EEF2KMT: variants seen among roughly 807,000 people sequenced by gnomAD.
The protein encoded by EEF2KMT is protein-lysine N-methyltransferase EEF2KMT.
In EEF2KMT, 30 loss-of-function variants were observed where a neutral mutation model predicts 35.1. That is an observed-to-expected ratio of 0.85 (90% confidence interval 0.64 to 1.16). The LOEUF is 1.16. EEF2KMT is among the 50% of genes most tolerant of loss of function. The pLI is 0.00. For missense variants in EEF2KMT, 499 were observed against 438.2 expected (o/e 1.14, Z -1.24); for synonymous variants, 190 against 187.7 (o/e 1.01, Z -0.10).
rs1320546010 is a variant in EEF2KMT at position 5,085,070 on chromosome 16, T to C, written c.*562A>G. 5.6e-6 allele frequency: 6 copies of C among 1,063,646 alleles called. No individual in the cohort carries two copies. 65.9% of individuals were successfully genotyped at this position (1,063,646 alleles called of 1,614,324 possible). A position where few individuals can be genotyped will look rare whatever the true frequency, so the allele number is the denominator to read the frequency against. Reference sequence around the variant, plus strand: ...AGCTTTGGTTGGCCTTGATTTCTTCTCTGGAGGCTTGGAAACGCTTCCTCT... The same window carrying C: ...AGCTTTGGTTGGCCTTGATTTCTTCCCTGGAGGCTTGGAAACGCTTCCTCT... On this transcript the variant is annotated 3_prime_UTR_variant, in exon 8 of 8. Transcript: ENST00000427587.
intron 3 of EEF2KMT, among the ~76,000 whole-genome samples, 179 bp downstream of exon 3, chr16:5,093,305 C>G (rs986865800): frequency 1.3e-5 from 2 of 152,222 alleles, no homozygotes; most frequent in African/African-American, 4.8e-5. Context: ...TGCTGGCCTC[C>G]CCTTCTTCCC....
chr16:5,092,421 T>G (rs762290551), intron 3 of EEF2KMT, among the ~76,000 whole-genome samples: 23 of 152,226 alleles, frequency 1.5e-4, no homozygotes, highest in Non-Finnish European at 2.4e-4. Context: ...CCCCGTCCTA[T>G]GATTCACAGG....
chr16:5,091,202 C>A (rs142715320), intron 4 of EEF2KMT, among the ~76,000 whole-genome samples: 1 of 152,216 alleles, frequency 6.6e-6, no homozygotes, highest in African/African-American at 2.4e-5. Flanking sequence ...CTGCCTCAGC[C>A]TCCCTAGTAG....
At chr16:5,089,857 G>A (rs1325470516) in intron 6 of EEF2KMT, among the ~76,000 whole-genome samples, 1 of 152,212 alleles carries the variant, frequency 6.6e-6, no homozygotes, top group African/African-American at 2.4e-5. Flanking sequence ...ATGTGGTAAC[G>A]ACTGGAACGG....
At position 5,089,100 on chromosome 16, in the gene EEF2KMT, G is replaced by A; in HGVS notation, c.892+7C>T. The A allele has an allele frequency of 1.2e-6, 2 of 1,612,464 alleles. No individual in the cohort carries two copies. The highest frequency in any genetic ancestry group is 2.2e-5 in the South Asian group (2 of 91,024). On this transcript the variant is annotated splice_region_variant and intron_variant, in intron 7 of 7. Coordinates refer to ENST00000427587, the MANE Select transcript of EEF2KMT (RefSeq NM_201400.4). ...CCATGCAGGCCCGGGTGGGCGTGGA[G>A]GCTCACCTAGCTCGGTGGTGAACAG...
intron 7 of EEF2KMT, 34 bp downstream of exon 7, chr16:5,089,073 G>A (rs779072592): frequency 6.2e-7 from 1 of 1,611,378 alleles, no homozygotes; most frequent in Non-Finnish European, 8.5e-7. Flanking sequence ...ACAGCTCAGG[G>A]ACCATGCAGG....
At chr16:5,085,823 G>C (rs1339917403) in intron 7 of EEF2KMT, 91 bp from the exon 8 acceptor site, 7 of 1,000,900 alleles carry the variant, frequency 7.0e-6, no homozygotes, top group Non-Finnish European at 1.1e-5. Context: ...GGCCTGGCGG[G>C]GTAGGGGGGT....
rs1957132814 is a variant in EEF2KMT at position 5,085,657 on chromosome 16, ATCTCCAAGTGC to A, written c.957_967del (p.Glu319AspfsTer65). 1 of 1,611,320 alleles carries A rather than the reference ATCTCCAAGTGC, an allele frequency of 6.2e-7. No homozygotes were observed. The highest frequency in any genetic ancestry group is 1.7e-5 in the Admixed American group (1 of 59,992). On this transcript the variant is annotated frameshift_variant, in exon 8 of 8. Coordinates refer to ENST00000427587, the MANE Select transcript of EEF2KMT (RefSeq NM_201400.4). LOFTEE classifies it high-confidence loss of function. The stretch of plus-strand genomic sequence containing the variant: ...CTACAGGGTGAGATTCAGCATTGCC[ATCTCCAAGTGC>A]TCTTCGTAGGGAAACAGTTTCTGCT...
At position 5,090,675 on chromosome 16, in the gene EEF2KMT, A is replaced by C; in HGVS notation, c.343-110T>G. ...ATAAACCATGACAGGACCAATCGCC[A>C]CTCAGCAATGAGAAGCAGCTAACTG... On this transcript the variant is annotated intron_variant, in intron 4 of 7. Coordinates refer to ENST00000427587, the MANE Select transcript of EEF2KMT (RefSeq NM_201400.4). The surrounding 1 kb of genome is among the most constrained non-coding windows in gnomAD (Gnocchi z 4.1). 7.0e-7 allele frequency: 1 copy of C among 1,426,082 alleles called. No homozygotes were observed. The allele number at this position is 1,426,082 out of a possible 1,614,324, so 88.3% of individuals were successfully genotyped here. A position where few individuals can be genotyped will look rare whatever the true frequency, so the allele number is the denominator to read the frequency against.
Position 5,084,940 on chromosome 16 carries a change from T to C in EEF2KMT, c.*692A>G, listed in dbSNP as rs701110. On this transcript the variant is annotated 3_prime_UTR_variant, in exon 8 of 8. Coordinates refer to ENST00000427587, the MANE Select transcript of EEF2KMT (RefSeq NM_201400.4). ...TGCTGTCCTTCCCGCAGCTTCTTCT[T>C]GGAGTCTCAGGGCAAACCCTTTCGA... 8 of 1,596,296 alleles carry C rather than the reference T, an allele frequency of 5.0e-6. No individual in the cohort carries two copies. The highest frequency in any genetic ancestry group is 2.7e-5 in the African/African-American group (2 of 74,958).
intron 1 of EEF2KMT, among the ~76,000 whole-genome samples, chr16:5,096,279 C>T (rs2334154): frequency 6.6e-6 from 1 of 152,330 alleles, no homozygotes; most frequent in African/African-American, 2.4e-5. Flanking sequence ...TTCCCAGTTC[C>T]CGCATTCACT....
intron 2 of EEF2KMT, among the ~76,000 whole-genome samples, chr16:5,095,210 T>A (rs1326793194): frequency 6.6e-6 from 1 of 152,244 alleles, no homozygotes; most frequent in East Asian, 1.9e-4. Flanking sequence ...ATTCCCTAGA[T>A]TCCCCCCTCT....
chr16:5,085,788 G>A (rs1957141388), intron 7 of EEF2KMT, 56 bp from the exon 8 acceptor site: 2 of 1,321,542 alleles, frequency 1.5e-6, no homozygotes, highest in African/African-American at 1.5e-5. Context: ...AGGACATGAG[G>A]GTATTGTGTG....
chr16:5,085,759 G>A (rs756661216), intron 7 of EEF2KMT, 27 bp from the exon 8 acceptor site: 28 of 1,563,486 alleles, frequency 1.8e-5, no homozygotes, highest in African/African-American at 4.1e-5. Flanking sequence ...TGTGTTTGAG[G>A]ATGGCGGTGT....
Position 5,084,664 on chromosome 16 carries a change from T to G in EEF2KMT, c.*968A>C, listed in dbSNP as rs1957085095. The G allele has an allele frequency of 6.3e-7, 1 of 1,585,354 alleles. No individual in the cohort carries two copies. The highest frequency in any genetic ancestry group is 1.7e-5 in the Admixed American group (1 of 58,282). On this transcript the variant is annotated 3_prime_UTR_variant, in exon 8 of 8. Coordinates refer to ENST00000427587, the MANE Select transcript of EEF2KMT (RefSeq NM_201400.4). ...GGACTTGGGAGGGGTTGTTGTTGGG[T>G]CGGGGACCTGGGGTCAGCCAGGTGG... is the stretch of plus-strand genomic sequence containing the variant.
At chr16:5,089,047 C>A in intron 7 of EEF2KMT, 60 bp downstream of exon 7, 2 of 1,608,558 alleles carry the variant, frequency 1.2e-6, no homozygotes, top group African/African-American at 1.3e-5. Context: ...TTCACTTCCA[C>A]TGGCGTCCTG....
Position 5,089,182 on chromosome 16 carries a change from G to T in EEF2KMT, c.817C>A (p.Gln273Lys), listed in dbSNP as rs776203089. Reference sequence around the variant, plus strand: ...GCCACGTAGACCTCAGGAGCCCGCTGGTGCTCCCGGCAGGCAGCCAGCCTC... The same window carrying T: ...GCCACGTAGACCTCAGGAGCCCGCTTGTGCTCCCGGCAGGCAGCCAGCCTC... ...LRRLAACREHQRAPEVYVAFT... is the reference protein window; with the variant it reads ...LRRLAACREHKRAPEVYVAFT... Residue 273 changes from glutamine to lysine, a missense_variant, in exon 7 of 8, where the codon CAG (glutamine) becomes AAG (lysine). Transcript: ENST00000427587. The T allele has an allele frequency of 2.4e-4, 381 of 1,611,590 alleles. No individual in the cohort carries two copies. Among genetic ancestry groups the T allele is most frequent in the Admixed American group, 5.0e-4 (30 of 59,992 alleles).
chr16:5,096,450 G>A (rs1957467825), intron 1 of EEF2KMT, among the ~76,000 whole-genome samples: 2 of 152,184 alleles, frequency 1.3e-5, no homozygotes, highest in African/African-American at 2.4e-5. Flanking sequence ...TAAACATTTT[G>A]AGACTGAATA....
chr16:5,084,673 T>G lies in EEF2KMT; in HGVS notation c.*959A>C. 1.9e-6 allele frequency: 3 copies of G among 1,592,708 alleles called. No individual in the cohort carries two copies. The South Asian group carries it at 3.3e-5, about 18-fold the overall frequency. On this transcript the variant is annotated 3_prime_UTR_variant, in exon 8 of 8. Coordinates refer to ENST00000427587, the MANE Select transcript of EEF2KMT (RefSeq NM_201400.4). ...AGGGGTTGTTGTTGGGTCGGGGACC[T>G]GGGGTCAGCCAGGTGGTGACCTGGG...
Sources: allele counts gnomAD v4.1 joint callset (sites outside exome capture counted in the v4.1 genomes callset), GRCh38; gene constraint gnomAD v4.1.1; non-coding constraint Gnocchi (gnomAD v3.1); transcripts MANE v1.5; gene names NCBI Gene and HGNC (gene_info 2026-07-23, HGNC 2026-07-21).